TRAPPC9: variants seen among roughly 807,000 people sequenced by gnomAD.
The protein encoded by TRAPPC9 is trafficking protein particle complex subunit 9, also known as IKK2 binding protein.
Under a neutral mutation model 124.0 loss-of-function variants are expected in TRAPPC9, and 83 were observed. That is an observed-to-expected ratio of 0.67 (90% CI 0.56 to 0.80). TRAPPC9 has a LOEUF of 0.80. Among genes scored for constraint, TRAPPC9 ranks in the 30% least tolerant of loss-of-function variants. The pLI, the probability that TRAPPC9 is intolerant of heterozygous loss-of-function variation, is 0.00. For synonymous variants in TRAPPC9, 638 were observed against 617.5 expected, an observed-to-expected ratio of 1.03 and a Z score of -0.49; for missense variants, 1,302 against 1,508.3, an observed-to-expected ratio of 0.86 and a Z score of 2.27.
chr8:139,763,864 G>A (rs1820406991), intron 21 of TRAPPC9, among the ~76,000 whole-genome samples: 1 of 152,232 alleles, frequency 6.6e-6, no homozygotes, highest in Admixed American at 6.5e-5. Context: ...TGTGGAAGGG[G>A]TCAGGTGTTG....
chr8:139,972,766 CA>C (rs976900545), intron 19 of TRAPPC9, among the ~76,000 whole-genome samples: 23 of 152,210 alleles, frequency 1.5e-4, no homozygotes, highest in Non-Finnish European at 3.4e-4. Context: ...ACTTGGACCC[CA>C]AAGAACTTCC....
intron 19 of TRAPPC9, among the ~76,000 whole-genome samples, chr8:139,965,648 C>T (rs548091356): frequency 1.3e-3 from 101 of 74,976 alleles, no homozygotes; most frequent in African/African-American, 3.3e-3. Flanking sequence ...TTTTCCATCC[C>T]ATATCCATTC....
intron 19 of TRAPPC9, among the ~76,000 whole-genome samples, chr8:139,929,652 G>T (rs1344934786): frequency 6.6e-6 from 1 of 152,252 alleles, no homozygotes; most frequent in East Asian, 1.9e-4. Flanking sequence ...TCTTCCAGAA[G>T]AATACTGTCC....
chr8:139,897,357 T>C (rs548771288), intron 20 of TRAPPC9, among the ~76,000 whole-genome samples: 17 of 152,330 alleles, frequency 1.1e-4, no homozygotes, highest in African/African-American at 3.8e-4. Flanking sequence ...ACCAGCAAGA[T>C]GAATGAGGAG....
intron 19 of TRAPPC9, among the ~76,000 whole-genome samples, chr8:139,970,565 C>A (rs962281686): frequency 2.0e-5 from 3 of 152,126 alleles, no homozygotes. Flanking sequence ...CTCAGACACA[C>A]GGAGGGGCGC....
chr8:140,117,843 C>T (rs2060918604), intron 17 of TRAPPC9, among the ~76,000 whole-genome samples: 1 of 152,064 alleles, frequency 6.6e-6, no homozygotes, highest in Non-Finnish European at 1.5e-5. Flanking sequence ...AAAATAAATT[C>T]TGATTCATCA....
chr8:139,843,663 G>A (rs1043877539), intron 21 of TRAPPC9, among the ~76,000 whole-genome samples: 2 of 152,192 alleles, frequency 1.3e-5, no homozygotes, highest in Non-Finnish European at 2.9e-5. Context: ...GAGAAAGGCT[G>A]GACCAGCCAC....
intron 16 of TRAPPC9, among the ~76,000 whole-genome samples, chr8:140,246,145 T>C (rs1258333540): frequency 6.6e-6 from 1 of 152,232 alleles, no homozygotes; most frequent in Non-Finnish European, 1.5e-5. Context: ...ACTCATGGAC[T>C]GAAACACAGT....
intron 17 of TRAPPC9, among the ~76,000 whole-genome samples, chr8:140,152,643 C>T (rs533845378): frequency 2.4e-4 from 36 of 152,130 alleles, no homozygotes; most frequent in African/African-American, 7.7e-4. Flanking sequence ...GCTGGGATTA[C>T]AGGCATGAGC....
At chr8:139,784,178 G>A (rs1018050569) in intron 21 of TRAPPC9, among the ~76,000 whole-genome samples, 5 of 152,212 alleles carry the variant, frequency 3.3e-5, no homozygotes, top group African/African-American at 9.6e-5. Context: ...AATTAAAATT[G>A]TCTTTATCCT....
chr8:139,979,537 C>A (rs1025138335), intron 19 of TRAPPC9, among the ~76,000 whole-genome samples: 2 of 152,144 alleles, frequency 1.3e-5, no homozygotes, highest in Non-Finnish European at 2.9e-5. Context: ...CAGGCTGCGT[C>A]CAGCCAGTCC....
At chr8:140,125,336 T>C in intron 17 of TRAPPC9, among the ~76,000 whole-genome samples, 1 of 152,192 alleles carries the variant, frequency 6.6e-6, no homozygotes, top group Non-Finnish European at 1.5e-5. Context: ...AGCAGACGGC[T>C]GCGGTGACCC....
intron 17 of TRAPPC9, among the ~76,000 whole-genome samples, chr8:140,055,523 C>T (rs1013225350): frequency 6.6e-6 from 1 of 152,108 alleles, no homozygotes; most frequent in South Asian, 2.1e-4. Context: ...CCAACCAGAA[C>T]AATTAGGAGG....
rs538763537 is a variant in TRAPPC9 at position 140,059,255 on chromosome 8, A to T, written c.2557-35176T>A. Among the ~76,000 whole-genome samples the T allele has an allele frequency of 3.3e-5, 5 of 152,332 alleles. No homozygotes were observed. The South Asian group carries it at 1.0e-3, about 32-fold the overall frequency. On this transcript the variant is annotated intron_variant, in intron 17 of 22. Transcript: ENST00000438773. ...CTGTGTCTGGCATCTTTCACCCAGC[A>T]TGCTTTGTTGAAATTCATCCACGTT...
At chr8:139,922,188 T>C (rs1832555335) in intron 19 of TRAPPC9, among the ~76,000 whole-genome samples, 1 of 152,072 alleles carries the variant, frequency 6.6e-6, no homozygotes, top group African/African-American at 2.4e-5. Flanking sequence ...TTTGGTGTTT[T>C]TTTTTTTTTG....
At chr8:140,046,979 A>T (rs1414083699) in intron 17 of TRAPPC9, among the ~76,000 whole-genome samples, 1 of 152,194 alleles carries the variant, frequency 6.6e-6, no homozygotes, top group East Asian at 1.9e-4. Context: ...AAGCCTAGAA[A>T]GGTTCCCGTG....
intron 19 of TRAPPC9, among the ~76,000 whole-genome samples, chr8:139,985,293 G>A (rs1837173372): frequency 6.6e-6 from 1 of 152,156 alleles, no homozygotes; most frequent in Non-Finnish European, 1.5e-5. Context: ...TCTTTAAAGT[G>A]TTTTATACTA....
intron 20 of TRAPPC9, among the ~76,000 whole-genome samples, chr8:139,898,347 A>C (rs1182908050): frequency 6.6e-6 from 1 of 152,216 alleles, no homozygotes; most frequent in Non-Finnish European, 1.5e-5. Flanking sequence ...GACAAGGGGC[A>C]GGTTTACGGT....
At chr8:140,451,707 G>T (rs181716076) in intron 1 of TRAPPC9, among the ~76,000 whole-genome samples, 2 of 152,232 alleles carry the variant, frequency 1.3e-5, no homozygotes, top group East Asian at 3.9e-4. Flanking sequence ...GAATAAACAC[G>T]TGTGTAATTG....
Sources: allele counts gnomAD v4.1 joint callset (sites outside exome capture counted in the v4.1 genomes callset), GRCh38; gene constraint gnomAD v4.1.1; transcripts MANE v1.5; gene names NCBI Gene and HGNC (gene_info 2026-07-23, HGNC 2026-07-21).